QTMAN: variants seen among roughly 807,000 people sequenced by gnomAD.
The protein encoded by QTMAN is queuosine-tRNA mannosyltransferase, also known as tRNA-queuosine alpha-mannosyltransferase.
At chr2:144,212,399 T>C in the QTMAN span, among the ~76,000 whole-genome samples, 1 of 151,838 alleles carries the variant, frequency 6.6e-6, no homozygotes, top group Non-Finnish European at 1.5e-5. Context: ...GAGGCAGAGG[T>C]TGCAGTGAGC....
the QTMAN span, among the ~76,000 whole-genome samples, chr2:144,308,518 G>A: frequency 6.6e-6 from 1 of 151,934 alleles, no homozygotes; most frequent in Non-Finnish European, 1.5e-5. Flanking sequence ...AAAAGAACAG[G>A]TGGATATAGA....
At chr2:144,221,336 TC>T in the QTMAN span, among the ~76,000 whole-genome samples, 1 of 152,032 alleles carries the variant, frequency 6.6e-6, no homozygotes, top group Non-Finnish European at 1.5e-5. Flanking sequence ...TTAAAAACAA[TC>T]AAAATATCCT....
At chr2:144,098,615 T>A in the QTMAN span, among the ~76,000 whole-genome samples, 1 of 151,572 alleles carries the variant, frequency 6.6e-6, no homozygotes, top group Non-Finnish European at 1.5e-5. Flanking sequence ...CTCGGGAGGC[T>A]GAGGCAGGAG....
At chr2:144,011,733 T>A in the QTMAN span, 2,639 of 985,198 alleles carry the variant, frequency 2.7e-3, 74 homozygotes, top group African/African-American at 0.041. Flanking sequence ...GTCCTGGCAT[T>A]AATTCAATGA....
At chr2:144,204,175 A>G in the QTMAN span, among the ~76,000 whole-genome samples, 1 of 152,246 alleles carries the variant, frequency 6.6e-6, no homozygotes, top group Non-Finnish European at 1.5e-5. Context: ...GAGCTTCTGC[A>G]CAGCAAAAGA....
chr2:144,036,045 T>C, the QTMAN span, among the ~76,000 whole-genome samples: 1 of 152,220 alleles, frequency 6.6e-6, no homozygotes, highest in Non-Finnish European at 1.5e-5. Flanking sequence ...ATATTCAGAA[T>C]TGATGTCTCC....
the QTMAN span, among the ~76,000 whole-genome samples, chr2:143,991,443 G>GC: frequency 1.4e-5 from 2 of 146,240 alleles, no homozygotes; most frequent in Admixed American, 1.3e-4. Context: ...GGGGGGGTCA[G>GC]CCCCCCACCC....
chr2:144,096,769 A>C, the QTMAN span, among the ~76,000 whole-genome samples: 3 of 152,236 alleles, frequency 2.0e-5, no homozygotes, highest in African/African-American at 7.2e-5. Flanking sequence ...TGAAATACAC[A>C]AATGTCAGAG....
At chr2:144,098,858 A>C in the QTMAN span, among the ~76,000 whole-genome samples, 2 of 152,202 alleles carry the variant, frequency 1.3e-5, no homozygotes, top group Admixed American at 6.5e-5. Context: ...AAAAAAAAAA[A>C]AAAACTGACT....
the QTMAN span, among the ~76,000 whole-genome samples, chr2:144,245,645 T>G: frequency 6.6e-6 from 1 of 152,186 alleles, no homozygotes; most frequent in Admixed American, 6.5e-5. Context: ...TTCATTCAGA[T>G]CATCATTACT....
chr2:144,314,357 A>G, the QTMAN span, among the ~76,000 whole-genome samples: 2 of 152,212 alleles, frequency 1.3e-5, no homozygotes, highest in South Asian at 4.1e-4. Flanking sequence ...ATCTATGGAA[A>G]TAGAAATCAG....
chr2:143,978,181 C>G, the QTMAN span, among the ~76,000 whole-genome samples: 1 of 152,090 alleles, frequency 6.6e-6, no homozygotes, highest in African/African-American at 2.4e-5. Flanking sequence ...CCACCTTTGC[C>G]CTGCTTCATT....
chr2:144,031,176 G>A, the QTMAN span, among the ~76,000 whole-genome samples: 1 of 150,984 alleles, frequency 6.6e-6, no homozygotes, highest in African/African-American at 2.5e-5. Flanking sequence ...TCTGGGATGG[G>A]GCCTGACAAC....
chr2:144,235,035 T>A, the QTMAN span, among the ~76,000 whole-genome samples: 1 of 152,188 alleles, frequency 6.6e-6, no homozygotes. Context: ...TGCATTATTT[T>A]GCTCCTCGCT....
chr2:144,324,310 C>T, the QTMAN span, among the ~76,000 whole-genome samples: 4 of 152,064 alleles, frequency 2.6e-5, no homozygotes, highest in African/African-American at 9.7e-5. Context: ...AATTTGATTA[C>T]CTCTGTCTTT....
the QTMAN span, among the ~76,000 whole-genome samples, chr2:144,151,529 A>G: frequency 1.3e-5 from 2 of 152,184 alleles, no homozygotes; most frequent in African/African-American, 4.8e-5. Context: ...TAAGATGCTA[A>G]TATTGTGAGA....
At chr2:143,969,782 C>T in the QTMAN span, among the ~76,000 whole-genome samples, 1 of 152,150 alleles carries the variant, frequency 6.6e-6, no homozygotes, top group Non-Finnish European at 1.5e-5. Context: ...GTATCCACAG[C>T]TGCAGCGGGC....
chr2:144,209,600 A>G, the QTMAN span, among the ~76,000 whole-genome samples: 1 of 152,252 alleles, frequency 6.6e-6, no homozygotes, highest in African/African-American at 2.4e-5. Context: ...TACTAAAGAC[A>G]TGATAAAATT....
chr2:144,220,158 A>G, the QTMAN span, among the ~76,000 whole-genome samples: 1 of 152,190 alleles, frequency 6.6e-6, no homozygotes, highest in South Asian at 2.1e-4. Context: ...GGACTAATAG[A>G]TGTGGTAATG....
Sources: gnomAD v4.1 joint callset for allele counts (sites outside exome capture counted in the v4.1 genomes callset) on GRCh38, gnomAD v4.1.1 for gene constraint, MANE v1.5 for transcripts, NCBI Gene and HGNC (gene_info 2026-07-23, HGNC 2026-07-21) for gene names.